The following PTPRM variants were observed in gnomAD, a reference collection of about 807,000 sequenced individuals.
The protein encoded by PTPRM is receptor-type tyrosine-protein phosphatase mu.
PTPRM carries 47 observed loss-of-function variants against 186.7 expected under a neutral mutation model. The observed-to-expected ratio is 0.25, with a 90% CI of 0.20 to 0.32. The LOEUF is 0.32. PTPRM is among the 10% of genes least tolerant of loss of function. The pLI, the probability that PTPRM is intolerant of heterozygous loss-of-function variation, is 1.00. For synonymous variants in PTPRM, 668 were observed against 674.9 expected (o/e 0.99, Z 0.16); for missense variants, 1,494 against 1,865.0 (o/e 0.80, Z 3.66).
intron 20 of PTPRM, among the ~76,000 whole-genome samples, chr18:8,301,375 C>A (rs1256042749): frequency 6.6e-6 from 1 of 152,132 alleles, no homozygotes; most frequent in African/African-American, 2.4e-5. Context: ...CAAGCATAGC[C>A]CTCCTAATAC....
chr18:8,085,959 C>A (rs2090410198), intron 10 of PTPRM, 87 bp downstream of exon 10: 2 of 1,286,000 alleles, frequency 1.6e-6, no homozygotes, highest in Admixed American at 3.5e-5. Flanking sequence ...CCAAGCTCGC[C>A]CACACTAACA....
intron 1 of PTPRM, among the ~76,000 whole-genome samples, chr18:7,762,898 G>T (rs1416141565): frequency 6.6e-6 from 1 of 152,162 alleles, no homozygotes; most frequent in Non-Finnish European, 1.5e-5. Flanking sequence ...TTTCTTTGAT[G>T]TTCATCACCT....
Position 7,888,303 on chromosome 18 carries a change from A to G in PTPRM, c.394A>G (p.Ile132Val), listed in dbSNP as rs778677802. The change falls in exon 3 of 33, where the codon ATA (isoleucine) becomes GTA (valine). Residue 132 changes from isoleucine to valine, a missense_variant. This residue lies in a region of PTPRM where 296 missense variants were observed against 345.5 expected (regional missense o/e 0.86). Transcript: ENST00000580170. The part of the protein sequence containing the change: ...NGPLGNPIWN[I>V]SGDPTRTWNR... ...GCCACTGGGGAATCCTATCTGGAAT[A>G]TATCTGGAGACCCAACACGTACATG... 45 of 1,614,058 alleles carry G rather than the reference A, an allele frequency of 2.8e-5. No individual in the cohort carries two copies. Among genetic ancestry groups the G allele is most frequent in the Non-Finnish European group, 3.7e-5 (44 of 1,180,034 alleles).
At chr18:8,317,737 G>A (rs958147408) in intron 21 of PTPRM, among the ~76,000 whole-genome samples, 54 of 152,152 alleles carry the variant, frequency 3.5e-4, no homozygotes, top group African/African-American at 1.2e-3. Context: ...TCATGCTGCC[G>A]ATGGCCAAGT....
intron 14 of PTPRM, among the ~76,000 whole-genome samples, chr18:8,190,315 TG>T (rs1309693083): frequency 1.3e-5 from 2 of 152,244 alleles, no homozygotes; most frequent in African/African-American, 4.8e-5. Context: ...ATCTTCTCCC[TG>T]CTTCTATGAG....
Position 7,567,429 on chromosome 18 carries a change from G to GCGCGGCCACGGCCACGGC in PTPRM, c.-388_-371dup. 6.6e-6 allele frequency: 1 copy of GCGCGGCCACGGCCACGGC among 152,520 alleles called. No individual in the cohort carries two copies. 9.4% of individuals were successfully genotyped at this position (152,520 alleles called of 1,614,324 possible). On this transcript the variant is annotated 5_prime_UTR_variant, in exon 1 of 33. Coordinates refer to ENST00000580170, the MANE Select transcript of PTPRM (RefSeq NM_001105244.2). The surrounding 1 kb of genome is among the most constrained non-coding windows in gnomAD (Gnocchi z 4.3). ...TGTGGAGAGGCGGCGGGCGGAACGC[G>GCGCGGCCACGGCCACGGC]CGCGGCCACGGCCACGGCCACCGCC...
At chr18:7,743,831 C>A (rs1042621135) in intron 1 of PTPRM, among the ~76,000 whole-genome samples, 5 of 152,150 alleles carry the variant, frequency 3.3e-5, no homozygotes, top group Non-Finnish European at 5.9e-5. Flanking sequence ...ATTAATAATA[C>A]TTTTGTTTAC....
chr18:8,276,850 A>G (rs554594743), intron 19 of PTPRM, among the ~76,000 whole-genome samples: 3 of 152,176 alleles, frequency 2.0e-5, no homozygotes, highest in Non-Finnish European at 2.9e-5. Context: ...CAGGTCTTCT[A>G]TGTACATCAG....
intron 1 of PTPRM, among the ~76,000 whole-genome samples, chr18:7,758,177 T>C (rs948163833): frequency 6.6e-6 from 1 of 152,150 alleles, no homozygotes; most frequent in African/African-American, 2.4e-5. Flanking sequence ...GAATTACCTC[T>C]AAGAAAGGAA....
intron 1 of PTPRM, among the ~76,000 whole-genome samples, chr18:7,669,735 T>C (rs888374432): frequency 1.4e-4 from 22 of 152,102 alleles, no homozygotes; most frequent in African/African-American, 4.6e-4. Flanking sequence ...TACTTTATTT[T>C]TTTTGAGACG....
chr18:7,799,372 T>A (rs1239101936), intron 2 of PTPRM, among the ~76,000 whole-genome samples: 7 of 152,190 alleles, frequency 4.6e-5, no homozygotes, highest in Admixed American at 1.3e-4. Context: ...TTCTAATATA[T>A]GAATTTTGGA....
At chr18:7,664,354 T>C (rs1175197182) in intron 1 of PTPRM, among the ~76,000 whole-genome samples, 1 of 152,196 alleles carries the variant, frequency 6.6e-6, no homozygotes, top group African/African-American at 2.4e-5. Context: ...TTGTTCCACC[T>C]AAAGAACACA....
chr18:7,991,716 T>G (rs12454014), intron 7 of PTPRM, among the ~76,000 whole-genome samples: 47,556 of 151,972 alleles, frequency 0.31, 9,263 homozygotes, highest in African/African-American at 0.56. Context: ...AGGAGAGCTT[T>G]TTCTCATTAG....
chr18:8,343,566 G>A (rs759618778), intron 23 of PTPRM, 46 bp downstream of exon 23: 58 of 1,562,780 alleles, frequency 3.7e-5, no homozygotes, highest in Non-Finnish European at 4.5e-5. Flanking sequence ...TCCTTGCTTA[G>A]TTGGTAACAG....
At chr18:8,271,496 A>G (rs549193399) in intron 19 of PTPRM, among the ~76,000 whole-genome samples, 2 of 152,002 alleles carry the variant, frequency 1.3e-5, no homozygotes, top group South Asian at 4.1e-4. Context: ...TCATATTGTG[A>G]TTTTAGAATT....
chr18:7,764,653 TGAAGCCTGA>T (rs1314350295), intron 1 of PTPRM, among the ~76,000 whole-genome samples: 1 of 152,230 alleles, frequency 6.6e-6, no homozygotes, highest in Non-Finnish European at 1.5e-5. Context: ...AGGTCTGGGA[TGAAGCCTGA>T]GAATTTGCAT....
At chr18:7,889,065 G>GTT (rs1249699096) in intron 3 of PTPRM, among the ~76,000 whole-genome samples, 3 of 152,024 alleles carry the variant, frequency 2.0e-5, no homozygotes, top group Non-Finnish European at 4.4e-5. Context: ...GAATCATGCA[G>GTT]TTTACCCAGG....
intron 22 of PTPRM, among the ~76,000 whole-genome samples, chr18:8,329,653 C>T (rs1186977503): frequency 6.6e-6 from 1 of 152,230 alleles, no homozygotes; most frequent in Non-Finnish European, 1.5e-5. Flanking sequence ...GTGCACCTGT[C>T]ACTTGCCAGG....
chr18:7,616,863 TTGTC>T (rs1237931414), intron 1 of PTPRM, among the ~76,000 whole-genome samples: 1 of 152,126 alleles, frequency 6.6e-6, no homozygotes, highest in Non-Finnish European at 1.5e-5. Context: ...TGTCTGTTGT[TTGTC>T]TGGCCTGCTC....
Sources: allele counts gnomAD v4.1 joint callset (sites outside exome capture counted in the v4.1 genomes callset), GRCh38; gene constraint gnomAD v4.1.1; regional missense constraint gnomAD v4.1.1; non-coding constraint Gnocchi (gnomAD v3.1); transcripts MANE v1.5; gene names NCBI Gene and HGNC (gene_info 2026-07-23, HGNC 2026-07-21).